CREBL2: variants seen among roughly 807,000 people sequenced by gnomAD.
The protein encoded by CREBL2 is cAMP responsive element binding protein like 2.
A neutral mutation model predicts 19.5 loss-of-function variants in CREBL2; 4 were observed. That is an observed-to-expected ratio of 0.20 (90% CI 0.10 to 0.47). CREBL2 has a LOEUF of 0.47. Among genes scored for constraint, CREBL2 ranks in the 20% least tolerant of loss-of-function variants. The pLI is 0.98. For missense variants in CREBL2, 85 were observed against 145.1 expected (o/e 0.59, Z 2.13); for synonymous variants, 42 against 46.6 (o/e 0.90, Z 0.40).
chr12:12,631,324 T>A (rs1051954140), intron 1 of CREBL2, among the ~76,000 whole-genome samples: 1 of 152,152 alleles, frequency 6.6e-6, no homozygotes, highest in Admixed American at 6.5e-5. Flanking sequence ...ATCTCACAAA[T>A]GTGCTCTAGG....
chr12:12,641,929 A>G, intron 3 of CREBL2, 65 bp from the exon 4 acceptor site: 5 of 1,248,694 alleles, frequency 4.0e-6, no homozygotes, highest in Non-Finnish European at 5.7e-6. Flanking sequence ...ATGCATCTTA[A>G]AACAGATTAA....
In CREBL2 at chr12:12,626,893, G is replaced by GA. The variant is rs1318427764; in HGVS notation, c.16-8881dup. Reference sequence around the variant, plus strand: ...TCTTAAAAAAAAAAAGAAAAGAAAAGAAAGAAAGAAAAATAAATAAACAAG... The same window carrying GA: ...TCTTAAAAAAAAAAAGAAAAGAAAAGAAAAGAAAGAAAAATAAATAAACAAG... On this transcript the variant is annotated intron_variant, in intron 1 of 3. Transcript: ENST00000228865. Among the ~76,000 whole-genome samples, 5 of 139,280 alleles carry GA rather than the reference G, an allele frequency of 3.6e-5. No homozygotes were observed. In the South Asian group the frequency reaches 6.5e-4, roughly 18 times the overall value. The allele number at this position is 139,280 out of a possible 152,430, so 91.4% of individuals were successfully genotyped here. A position where few individuals can be genotyped will look rare whatever the true frequency, so the allele number is the denominator to read the frequency against.
At chr12:12,626,956 G>C (rs866721085) in intron 1 of CREBL2, among the ~76,000 whole-genome samples, 1 of 151,940 alleles carries the variant, frequency 6.6e-6, no homozygotes, top group African/African-American at 2.4e-5. Flanking sequence ...AGCCTTAAAT[G>C]CATATTGCTA....
chr12:12,625,723 C>T (rs747685909), intron 1 of CREBL2, among the ~76,000 whole-genome samples: 2 of 152,158 alleles, frequency 1.3e-5, no homozygotes, highest in Non-Finnish European at 2.9e-5. Context: ...TTATCTGTGT[C>T]TATGTATACA....
intron 1 of CREBL2, among the ~76,000 whole-genome samples, chr12:12,629,229 T>G (rs1945424805): frequency 6.6e-6 from 1 of 152,228 alleles, no homozygotes; most frequent in African/African-American, 2.4e-5. Context: ...TTAATAATAA[T>G]AAATCTTCCA....
chr12:12,612,905 CTT>C (rs1232897505), intron 1 of CREBL2, among the ~76,000 whole-genome samples: 1 of 152,128 alleles, frequency 6.6e-6, no homozygotes, highest in Non-Finnish European at 1.5e-5. Context: ...GAGTTTCGCT[CTT>C]GTCGCCCAGG....
At position 12,612,031 on chromosome 12, in the gene CREBL2, A is replaced by C; in HGVS notation, c.-142A>C. 1 of 988,810 alleles carries C rather than the reference A, an allele frequency of 1.0e-6. No homozygotes were observed. The highest frequency in any genetic ancestry group is 1.5e-6 in the Non-Finnish European group (1 of 654,846). The allele number at this position is 988,810 out of a possible 1,614,324, so 61.3% of individuals were successfully genotyped here. ...CCCTCGTCCCCGTGACTCTGGCATC[A>C]GGGAAGCGAACTGTTAGGCGAGAGG... On this transcript the variant is annotated 5_prime_UTR_variant, in exon 1 of 4. Coordinates refer to ENST00000228865, the MANE Select transcript of CREBL2 (RefSeq NM_001310.4).
At chr12:12,626,043 A>G (rs1945398703) in intron 1 of CREBL2, among the ~76,000 whole-genome samples, 1 of 152,212 alleles carries the variant, frequency 6.6e-6, no homozygotes, top group South Asian at 2.1e-4. Context: ...GGCCTTGTTC[A>G]TAATGAGCGC....
At chr12:12,617,520 C>CTAG (rs1460597006) in intron 1 of CREBL2, among the ~76,000 whole-genome samples, 1 of 151,914 alleles carries the variant, frequency 6.6e-6, no homozygotes, top group Admixed American at 6.6e-5. Flanking sequence ...ATTTAAAGCT[C>CTAG]TAGTACAGAC....
intron 1 of CREBL2, among the ~76,000 whole-genome samples, chr12:12,625,060 A>T (rs1945390618): frequency 6.6e-6 from 1 of 152,156 alleles, no homozygotes; most frequent in Non-Finnish European, 1.5e-5. Flanking sequence ...ATCTAGCCGT[A>T]GTCTCGTCTA....
chr12:12,621,607 G>A (rs1315628201), intron 1 of CREBL2, among the ~76,000 whole-genome samples: 3 of 151,954 alleles, frequency 2.0e-5, no homozygotes, highest in African/African-American at 4.8e-5. Context: ...GAGCTACAGC[G>A]TAAAGCAGAA....
intron 1 of CREBL2, among the ~76,000 whole-genome samples, chr12:12,631,628 T>C (rs1363366360): frequency 6.6e-6 from 1 of 152,236 alleles, no homozygotes; most frequent in East Asian, 1.9e-4. Context: ...GAATGGTCTT[T>C]TGGCCCAGGA....
chr12:12,618,657 C>G (rs1289018614), intron 1 of CREBL2, among the ~76,000 whole-genome samples: 1 of 152,218 alleles, frequency 6.6e-6, no homozygotes, highest in Non-Finnish European at 1.5e-5. Context: ...GCAGTCTCGG[C>G]ACTTTGGGAG....
chr12:12,641,253 ATTTTTTTTTATTTT>A (rs1415121821), intron 3 of CREBL2, among the ~76,000 whole-genome samples: 2 of 78,262 alleles, frequency 2.6e-5, no homozygotes, highest in African/African-American at 9.6e-5. Flanking sequence ...TATTATTATT[ATTTTTTTTTATTTT>A]TTTTTTTTTT....
intron 1 of CREBL2, among the ~76,000 whole-genome samples, chr12:12,616,741 A>G (rs1404334026): frequency 6.6e-6 from 1 of 152,206 alleles, no homozygotes; most frequent in Non-Finnish European, 1.5e-5. Context: ...ACATACACAC[A>G]AAACACACTT....
intron 1 of CREBL2, chr12:12,614,866 T>G (rs1945297537): frequency 3.8e-6 from 1 of 260,416 alleles, no homozygotes; most frequent in African/African-American, 2.3e-5. Flanking sequence ...AGTTTTTTTT[T>G]TTTTTTTTTG....
chr12:12,634,858 C>A (rs1195485231), intron 1 of CREBL2, among the ~76,000 whole-genome samples: 1 of 152,064 alleles, frequency 6.6e-6, no homozygotes, highest in Non-Finnish European at 1.5e-5. Flanking sequence ...GAGTTTGAGA[C>A]CAGCCTGGTC....
chr12:12,637,195 C>T (rs1363352279), intron 2 of CREBL2, among the ~76,000 whole-genome samples: 1 of 149,872 alleles, frequency 6.7e-6, no homozygotes, highest in African/African-American at 2.5e-5. Context: ...ACATTTATTT[C>T]TTTATTTTGG....
chr12:12,637,825 G>A, intron 3 of CREBL2, 111 bp downstream of exon 3: 1 of 1,204,364 alleles, frequency 8.3e-7, no homozygotes, highest in Non-Finnish European at 1.1e-6. Flanking sequence ...CAGATCGCTT[G>A]AGCCCAGGAG....
Sources: gnomAD v4.1 joint callset for allele counts (sites outside exome capture counted in the v4.1 genomes callset) on GRCh38, gnomAD v4.1.1 for gene constraint, MANE v1.5 for transcripts, NCBI Gene and HGNC (gene_info 2026-07-23, HGNC 2026-07-21) for gene names.